The following OPN3 variants were observed in gnomAD, a reference collection of about 807,000 sequenced individuals.
OPN3 encodes opsin 3.
Under a neutral mutation model 33.8 loss-of-function variants are expected in OPN3, and 29 were observed. The ratio of observed to expected loss-of-function variants is 0.86; its 90% CI spans 0.64 to 1.17. The LOEUF (loss-of-function observed/expected upper bound fraction) is 1.17. Ranked by LOEUF, OPN3 falls within the 50% of genes most tolerant of loss-of-function variation. The probability of loss-of-function intolerance (pLI) is 0.00; values close to 1 mark genes in which losing one functional copy is unlikely to be tolerated. For missense variants in OPN3, 437 were observed against 514.1 expected (o/e 0.85, Z 1.45); for synonymous variants, 216 against 216.1 (o/e 1.00, Z 0.00).
intron 1 of OPN3, chr1:241,634,018 G>A: frequency 6.2e-7 from 1 of 1,613,780 alleles, no homozygotes; most frequent in Non-Finnish European, 8.5e-7. Context: ...CATTTCCCAG[G>A]CCACAGTCAG....
intron 1 of OPN3, among the ~76,000 whole-genome samples, chr1:241,638,907 T>C (rs1378740943): frequency 6.6e-6 from 1 of 152,180 alleles, no homozygotes; most frequent in African/African-American, 2.4e-5. Context: ...TATCAATGGA[T>C]TTCAGGATTT....
chr1:241,634,735 T>C (rs1664807928), intron 1 of OPN3: 1 of 1,613,924 alleles, frequency 6.2e-7, no homozygotes, highest in African/African-American at 1.3e-5. Flanking sequence ...CTGATGTCAT[T>C]GCAATTGAGT....
intron 2 of OPN3, 82 bp downstream of exon 2, chr1:241,604,177 AG>A (rs1400112114): frequency 4.7e-6 from 6 of 1,288,034 alleles, no homozygotes; most frequent in Non-Finnish European, 5.5e-6. Context: ...CTGATGACAT[AG>A]GAAGACTTTC....
intron 3 of OPN3, chr1:241,595,167 T>C (rs1320371935): frequency 6.5e-6 from 1 of 153,288 alleles, no homozygotes; most frequent in Non-Finnish European, 1.5e-5. Context: ...TTTTTTTCTA[T>C]CGAAATTACT....
chr1:241,628,944 G>A (rs750926098), intron 1 of OPN3: 1 of 152,464 alleles, frequency 6.6e-6, no homozygotes, highest in Non-Finnish European at 1.5e-5. Context: ...ATGTTAAACT[G>A]AATTACATGT....
At chr1:241,637,698 C>T (rs559741987) in intron 1 of OPN3, among the ~76,000 whole-genome samples, 1 of 152,280 alleles carries the variant, frequency 6.6e-6, no homozygotes, top group East Asian at 1.9e-4. Flanking sequence ...GATGGCCTTA[C>T]AGAGCATTAA....
intron 1 of OPN3, among the ~76,000 whole-genome samples, chr1:241,611,315 G>A (rs901052916): frequency 7.9e-5 from 12 of 151,996 alleles, no homozygotes; most frequent in African/African-American, 2.9e-4. Context: ...CTTATCTGTT[G>A]TATGAAAAGG....
intron 1 of OPN3, among the ~76,000 whole-genome samples, chr1:241,617,169 G>A (rs1407600864): frequency 1.3e-5 from 2 of 152,192 alleles, no homozygotes; most frequent in Admixed American, 1.3e-4. Context: ...TGATATCCGT[G>A]ACTAGCCTAA....
At chr1:241,597,697 T>G (rs1046392711) in intron 3 of OPN3, 49 bp downstream of exon 3, 5 of 1,585,722 alleles carry the variant, frequency 3.2e-6, no homozygotes, top group African/African-American at 1.3e-5. Flanking sequence ...CACTGTCATT[T>G]CCAACTCTAT....
intron 1 of OPN3, chr1:241,634,723 T>C (rs1664807291): frequency 4.3e-6 from 7 of 1,613,996 alleles, no homozygotes; most frequent in Non-Finnish European, 5.9e-6. Flanking sequence ...TGCAAGATGA[T>C]TCTGATGTCA....
intron 1 of OPN3, chr1:241,634,464 T>G (rs1315781912): frequency 6.2e-7 from 1 of 1,613,720 alleles, no homozygotes; most frequent in Admixed American, 1.7e-5. Flanking sequence ...TCTTCCACAA[T>G]AAAATATTTA....
At chr1:241,626,702 G>A (rs150382506) in intron 1 of OPN3, among the ~76,000 whole-genome samples, 8 of 152,172 alleles carry the variant, frequency 5.3e-5, no homozygotes, top group African/African-American at 1.7e-4. Flanking sequence ...TACAAATATA[G>A]TAAAATTAAC....
At chr1:241,635,082 A>G (rs1369296413) in intron 1 of OPN3, 4 of 1,612,590 alleles carry the variant, frequency 2.5e-6, no homozygotes, top group South Asian at 2.2e-5. Flanking sequence ...TCAATATTAA[A>G]CCTCCTGCCT....
chr1:241,638,456 T>C (rs78012526), intron 1 of OPN3, among the ~76,000 whole-genome samples: 1,576 of 152,298 alleles, frequency 0.01, 20 homozygotes, highest in African/African-American at 0.036. Context: ...AAAAGAACTT[T>C]GATGTCTGTG....
rs567249722 is a variant in OPN3, at chr1:241,640,108, G to C, written c.147C>G (p.Gly49=). The C allele has an allele frequency of 4.4e-6, 7 of 1,604,808 alleles. No individual in the cohort carries two copies. In the African/African-American group the frequency reaches 8.1e-5, roughly 19 times the overall value. ...GTYERLALLL[G]SIGLLGVGNN... is the part of the protein sequence containing the mutation. ...TGCCGACGCCCAGCAGCCCAATGGA[G>C]CCCAGCAGCAGCGCCAGGCGCTCGT... Residue 49 remains glycine, a synonymous_variant, in exon 1 of 4, where the codon GGC becomes GGG. Coordinates refer to ENST00000366554, the MANE Select transcript of OPN3 (RefSeq NM_014322.3).
chr1:241,596,955 G>A (rs949327736), intron 3 of OPN3, among the ~76,000 whole-genome samples: 2 of 152,104 alleles, frequency 1.3e-5, no homozygotes, highest in African/African-American at 4.8e-5. Flanking sequence ...CCCCTGAGTA[G>A]CTGCGACTAA....
intron 1 of OPN3, among the ~76,000 whole-genome samples, chr1:241,639,608 G>C (rs997991793): frequency 6.6e-6 from 1 of 151,824 alleles, no homozygotes; most frequent in African/African-American, 2.4e-5. Flanking sequence ...CCGGGGTTTG[G>C]GGTCAACGTG....
rs1663566856 is a variant in OPN3, at chr1:241,597,825, G to A, written c.866C>T (p.Thr289Ile). The A allele has an allele frequency of 6.2e-7, 1 of 1,613,734 alleles. No individual in the cohort carries two copies. Among genetic ancestry groups the A allele is most frequent in the South Asian group, 1.1e-5 (1 of 91,044 alleles). The change falls in exon 3 of 4, where the codon ACA becomes ATA. Residue 289 changes from threonine (T) to isoleucine (I), a missense_variant. Physicochemically the swap from Thr to Ile is moderately conservative, Grantham distance 89. Coordinates refer to ENST00000366554, the MANE Select transcript of OPN3 (RefSeq NM_014322.3). ...AAAGAGGTACGAAACAATAGATATTGTTGGAGTGACCAGGTGACCATGACC... is the reference window on the plus strand; with the variant it reads ...AAAGAGGTACGAAACAATAGATATTATTGGAGTGACCAGGTGACCATGACC... ...VNGHGHLVTP[T>I]ISIVSYLFAK...
At position 241,640,225 on chromosome 1, in the gene OPN3, G is replaced by T; in HGVS notation, c.30C>A (p.His10Gln). 1.5e-6 allele frequency: 2 copies of T among 1,329,166 alleles called. No individual in the cohort carries two copies. Among genetic ancestry groups the T allele is most frequent in the Non-Finnish European group, 1.9e-6 (2 of 1,047,176 alleles). The allele number at this position is 1,329,166 out of a possible 1,614,324, so 82.3% of individuals were successfully genotyped here. MYSGNRSGG[H>Q]GYWDGGGAAG... is the part of the protein sequence containing the mutation. ...CGGCCCCGCCGCCGTCCCAGTAGCCGTGGCCGCCGCTGCGGTTCCCCGAGT... is the reference window on the plus strand; with the variant it reads ...CGGCCCCGCCGCCGTCCCAGTAGCCTTGGCCGCCGCTGCGGTTCCCCGAGT... Residue 10 changes from histidine to glutamine, a missense_variant, in exon 1 of 4, where the codon CAC becomes CAA. His to Gln is a conservative substitution (Grantham distance 24, BLOSUM62 0). Coordinates refer to ENST00000366554, the MANE Select transcript of OPN3 (RefSeq NM_014322.3).
Sources: allele counts gnomAD v4.1 joint callset (sites outside exome capture counted in the v4.1 genomes callset), GRCh38; gene constraint gnomAD v4.1.1; transcripts MANE v1.5; gene names NCBI Gene and HGNC (gene_info 2026-07-23, HGNC 2026-07-21).